Variants in MCC observed in about 807,000 individuals in gnomAD.
MCC encodes the protein colorectal mutant cancer protein.
MCC carries 90 observed loss-of-function variants against 116.2 expected under a neutral mutation model. The ratio of observed to expected loss-of-function variants is 0.77; its 90% CI spans 0.65 to 0.92. MCC has a LOEUF of 0.92. Among genes scored for constraint, MCC ranks in the 40% least tolerant of loss-of-function variants. MCC has a pLI of 0.00. For synonymous variants in MCC, 578 were observed against 510.5 expected (o/e 1.13, Z -1.78); for missense variants, 1,516 against 1,312.2 (o/e 1.16, Z -2.40).
intron 13 of MCC, among the ~76,000 whole-genome samples, chr5:113,066,200 A>G (rs1167020976): frequency 6.6e-6 from 1 of 152,234 alleles, no homozygotes; most frequent in Non-Finnish European, 1.5e-5. Flanking sequence ...AAATAACTGC[A>G]CTGAGTAGGT....
At chr5:113,180,154 G>A (rs1488013264) in intron 3 of MCC, among the ~76,000 whole-genome samples, 3 of 152,108 alleles carry the variant, frequency 2.0e-5, no homozygotes, top group African/African-American at 4.8e-5. Flanking sequence ...ATCAGCATCT[G>A]GACTTCACGG....
chr5:113,424,344 T>C (rs928393954), intron 1 of MCC, among the ~76,000 whole-genome samples: 1 of 152,134 alleles, frequency 6.6e-6, no homozygotes, highest in African/African-American at 2.4e-5. Context: ...ATTAGATAAC[T>C]TCCAAAAACC....
chr5:113,179,512 G>C (rs543025315), intron 3 of MCC, among the ~76,000 whole-genome samples: 1 of 152,134 alleles, frequency 6.6e-6, no homozygotes, highest in Non-Finnish European at 1.5e-5. Flanking sequence ...AAGATGTTCT[G>C]GCTGCCATTG....
Position 113,127,090 on chromosome 5 carries a change from C to T in MCC, c.885-4264G>A, listed in dbSNP as rs138174666. On this transcript the variant is annotated intron_variant, in intron 5 of 18. Transcript: ENST00000408903. Reference sequence around the variant, plus strand: ...TTTGTGTCCATTTGTTATCATTTAGCTCCCACACACAGTATTCAGTTTTCT... The same window carrying T: ...TTTGTGTCCATTTGTTATCATTTAGTTCCCACACACAGTATTCAGTTTTCT... 1.0e-3 allele frequency among the ~76,000 whole-genome samples: 153 copies of T among 152,136 alleles called. 3 individuals carry two copies. The East Asian group carries it at 0.027, about 27-fold the overall frequency.
At chr5:113,291,092 G>A (rs952116815) in intron 3 of MCC, among the ~76,000 whole-genome samples, 4 of 152,200 alleles carry the variant, frequency 2.6e-5, no homozygotes, top group Non-Finnish European at 4.4e-5. Context: ...ACTATCTGCT[G>A]TAATCAACTC....
At chr5:113,453,848 C>T (rs987339328) in intron 1 of MCC, among the ~76,000 whole-genome samples, 7 of 152,114 alleles carry the variant, frequency 4.6e-5, no homozygotes, top group East Asian at 1.9e-4. Context: ...TGGTGGCTCA[C>T]GCCTGTAATC....
chr5:113,076,707 G>A (rs1754480161), intron 11 of MCC, among the ~76,000 whole-genome samples: 1 of 152,172 alleles, frequency 6.6e-6, no homozygotes, highest in Non-Finnish European at 1.5e-5. Context: ...ACAAAAACAT[G>A]CCAAATTGTA....
chr5:113,450,508 G>A (rs1371919078), intron 1 of MCC, among the ~76,000 whole-genome samples: 1 of 152,156 alleles, frequency 6.6e-6, no homozygotes, highest in Non-Finnish European at 1.5e-5. Flanking sequence ...AACCCCAGGA[G>A]ATAAAACATT....
chr5:113,470,297 C>G (rs931148641), intron 1 of MCC, among the ~76,000 whole-genome samples: 1 of 152,138 alleles, frequency 6.6e-6, no homozygotes. Flanking sequence ...TACAATTTGG[C>G]ATGTTTTTGC....
At chr5:113,424,884 G>A (rs1770442228) in intron 1 of MCC, among the ~76,000 whole-genome samples, 1 of 151,162 alleles carries the variant, frequency 6.6e-6, no homozygotes, top group Non-Finnish European at 1.5e-5. Context: ...GAAAAAAAAA[G>A]AACTAGAAAA....
In MCC at chr5:113,064,050, C is replaced by A; in HGVS notation, c.2147G>T (p.Gly716Val). The change falls in exon 14 of 19, where the codon GGA becomes GTA. Residue 716 changes from glycine (G) to valine (V), a missense_variant. Transcript: ENST00000408903. ...GCTGCAGCCGGCCACGGCAAAGGCT[C>A]CCCCACAGCTGCCGTCCAGCTTCAT... Reference protein sequence around the residue: ...LLMKLDGSCGGAFAVAGCSVQ... With the variant: ...LLMKLDGSCGVAFAVAGCSVQ... 1 of 1,614,156 alleles carries A rather than the reference C, an allele frequency of 6.2e-7. No homozygotes were observed. The highest frequency in any genetic ancestry group is 8.5e-7 in the Non-Finnish European group (1 of 1,180,024).
intron 1 of MCC, among the ~76,000 whole-genome samples, chr5:113,441,701 G>T (rs994709342): frequency 6.6e-6 from 1 of 152,084 alleles, no homozygotes; most frequent in Admixed American, 6.5e-5. Flanking sequence ...CCCTCCCTGT[G>T]TCCACATGTT....
At chr5:113,164,156 C>T (rs115625617) in intron 3 of MCC, among the ~76,000 whole-genome samples, 2,895 of 152,216 alleles carry the variant, frequency 0.019, 37 homozygotes, top group Non-Finnish European at 0.028. Flanking sequence ...ATTAACTGTC[C>T]TCTTATCCAA....
At chr5:113,400,756 G>C (rs1044276849) in intron 1 of MCC, among the ~76,000 whole-genome samples, 1 of 152,122 alleles carries the variant, frequency 6.6e-6, no homozygotes, top group African/African-American at 2.4e-5. Flanking sequence ...ACCATACTTG[G>C]TACACAGCAG....
At chr5:113,327,333 G>A (rs1016677703) in intron 3 of MCC, among the ~76,000 whole-genome samples, 1 of 151,730 alleles carries the variant, frequency 6.6e-6, no homozygotes, top group African/African-American at 2.4e-5. Flanking sequence ...GATCACCTGA[G>A]GTCAGGAGTT....
intron 11 of MCC, among the ~76,000 whole-genome samples, chr5:113,080,968 G>C (rs1319031664): frequency 6.6e-6 from 1 of 152,068 alleles, no homozygotes. Context: ...TGAGAGCAGG[G>C]ACCCTTTCTG....
At chr5:113,124,308 C>A (rs1293225922) in intron 5 of MCC, among the ~76,000 whole-genome samples, 1 of 152,182 alleles carries the variant, frequency 6.6e-6, no homozygotes, top group Non-Finnish European at 1.5e-5. Context: ...TTTTGGTCTA[C>A]AGGATGATTG....
intron 4 of MCC, among the ~76,000 whole-genome samples, chr5:113,149,423 T>C (rs568437375): frequency 1.3e-5 from 2 of 152,236 alleles, no homozygotes; most frequent in East Asian, 3.9e-4. Flanking sequence ...TATTTCAGTA[T>C]GAAATAAATA....
intron 1 of MCC, among the ~76,000 whole-genome samples, chr5:113,411,808 G>A (rs1212451707): frequency 1.3e-5 from 2 of 152,122 alleles, no homozygotes; most frequent in Non-Finnish European, 2.9e-5. Flanking sequence ...GGCTTTTGTT[G>A]CCATTGCTTT....
Sources: gnomAD v4.1 joint callset for allele counts (sites outside exome capture counted in the v4.1 genomes callset) on GRCh38, gnomAD v4.1.1 for gene constraint, MANE v1.5 for transcripts, NCBI Gene and HGNC (gene_info 2026-07-23, HGNC 2026-07-21) for gene names.